Variants in CPT1A observed in about 807,000 individuals in gnomAD.
CPT1A encodes the protein carnitine palmitoyltransferase 1A, also known as carnitine O-palmitoyltransferase 1, liver isoform.
A neutral mutation model predicts 100.8 loss-of-function variants in CPT1A; 64 were observed. The ratio of observed to expected loss-of-function variants is 0.63; its 90% CI spans 0.52 to 0.78. The LOEUF is 0.78. Ranked by LOEUF, CPT1A falls within the 30% of genes least tolerant of loss-of-function variation. The pLI, the probability that CPT1A is intolerant of heterozygous loss-of-function variation, is 0.00. For missense variants in CPT1A, 802 were observed against 1,034.1 expected (o/e 0.78, Z 3.08); for synonymous variants, 363 against 396.0 (o/e 0.92, Z 0.99).
intron 14 of CPT1A, 132 bp from the exon 15 acceptor site, chr11:68,762,893 G>C (rs899037810): frequency 8.6e-7 from 1 of 1,163,702 alleles, no homozygotes; most frequent in Non-Finnish European, 1.2e-6. Flanking sequence ...GGGTCTTGCT[G>C]TTGCCCAGGC....
intron 15 of CPT1A, among the ~76,000 whole-genome samples, chr11:68,762,262 TC>T (rs1414102454): frequency 6.6e-6 from 1 of 152,162 alleles, no homozygotes; most frequent in African/African-American, 2.4e-5. Context: ...CAATGGAAGG[TC>T]CCGTGCGACA....
At chr11:68,810,394 C>G (rs1006386617) in intron 3 of CPT1A, among the ~76,000 whole-genome samples, 1 of 152,152 alleles carries the variant, frequency 6.6e-6, no homozygotes, top group Non-Finnish European at 1.5e-5. Flanking sequence ...AGACAAGGAA[C>G]CTGGCAGGCG....
At chr11:68,835,027 T>C (rs1176894407) in intron 1 of CPT1A, among the ~76,000 whole-genome samples, 1 of 151,492 alleles carries the variant, frequency 6.6e-6, no homozygotes, top group East Asian at 1.9e-4. Context: ...CCAATTCAAA[T>C]TTAGACCTTA....
At chr11:68,805,738 T>G (rs1856026060) in intron 4 of CPT1A, among the ~76,000 whole-genome samples, 1 of 152,244 alleles carries the variant, frequency 6.6e-6, no homozygotes, top group Non-Finnish European at 1.5e-5. Flanking sequence ...GTTTCCATGA[T>G]GACCTGGTCC....
At chr11:68,838,325 T>G (rs1297266909) in intron 1 of CPT1A, among the ~76,000 whole-genome samples, 1 of 152,054 alleles carries the variant, frequency 6.6e-6, no homozygotes. Context: ...ATAGGGTAGC[T>G]GGCCTCAGCC....
intron 10 of CPT1A, among the ~76,000 whole-genome samples, chr11:68,782,563 C>T (rs566709586): frequency 2.6e-5 from 4 of 152,294 alleles, no homozygotes; most frequent in South Asian, 2.1e-4. Flanking sequence ...AGGAGGTCTC[C>T]GTGCCCGTCT....
intron 1 of CPT1A, among the ~76,000 whole-genome samples, chr11:68,818,029 C>T (rs1021103187): frequency 2.0e-5 from 3 of 152,060 alleles, no homozygotes; most frequent in Admixed American, 6.6e-5. Context: ...GAAAGGGGAA[C>T]CTGCCACTGT....
chr11:68,781,149 C>T (rs1855301404), intron 11 of CPT1A, among the ~76,000 whole-genome samples: 1 of 152,138 alleles, frequency 6.6e-6, no homozygotes, highest in Admixed American at 6.5e-5. Context: ...ATGCCAACAC[C>T]CTGGCCTAAC....
chr11:68,843,228 T>C (rs1857193727), upstream of CPT1A, among the ~76,000 whole-genome samples: 1 of 152,118 alleles, frequency 6.6e-6, no homozygotes, highest in African/African-American at 2.4e-5. This position sits in a 1 kb window ranked among gnomAD's most constrained non-coding sequence, Gnocchi z 4.0. Context: ...TGTTTTCACT[T>C]GGCTTACGTC....
chr11:68,760,178 C>T (rs1465187004), intron 17 of CPT1A, 47 bp downstream of exon 17: 1 of 1,353,666 alleles, frequency 7.4e-7, no homozygotes, highest in Non-Finnish European at 1.0e-6. Context: ...CATTACCCAT[C>T]CCATCACCAC....
At position 68,821,174 on chromosome 11, in the gene CPT1A, C is replaced by T. The variant is rs539467394; in HGVS notation, c.-13-5687G>A. Among the ~76,000 whole-genome samples, 6 of 152,096 alleles carry T rather than the reference C, an allele frequency of 3.9e-5. No homozygotes were observed. In the South Asian group the frequency reaches 8.3e-4, roughly 21 times the overall value. ...TTATTTTATTTATTTATTTTTGAGACGGAGTTTTGCTCTTGTTGCCCAGGT... is the reference window on the plus strand; with the variant it reads ...TTATTTTATTTATTTATTTTTGAGATGGAGTTTTGCTCTTGTTGCCCAGGT... On this transcript the variant is annotated intron_variant, in intron 1 of 18. Transcript: ENST00000265641.
Position 68,776,126 on chromosome 11 carries a change from C to T in CPT1A, c.1459-694G>A, listed in dbSNP as rs143319875. Among the ~76,000 whole-genome samples, 176 of 152,304 alleles carry T rather than the reference C, an allele frequency of 1.2e-3. 2 individuals carry two copies. In the East Asian group the frequency reaches 0.033, roughly 28 times the overall value. ...CTGAGTGAAAAGAAGCAGGCAGGCG[C>T]GGTGCCTCACTTCAGTAATCCCAGC... On this transcript the variant is annotated intron_variant, in intron 12 of 18. Transcript: ENST00000265641.
intron 1 of CPT1A, among the ~76,000 whole-genome samples, chr11:68,815,985 C>A (rs1309210534): frequency 1.3e-5 from 2 of 151,978 alleles, no homozygotes; most frequent in African/African-American, 4.8e-5. Flanking sequence ...AGCATCCAGG[C>A]CCGTGGTACC....
chr11:68,780,590 G>T, intron 12 of CPT1A, 50 bp downstream of exon 12: 1 of 1,545,376 alleles, frequency 6.5e-7, no homozygotes. Flanking sequence ...GGCCAGGTTT[G>T]GATTTTCAAA....
intron 8 of CPT1A, among the ~76,000 whole-genome samples, 160 bp downstream of exon 8, chr11:68,794,644 C>T (rs1855707895): frequency 6.6e-6 from 1 of 152,234 alleles, no homozygotes; most frequent in Non-Finnish European, 1.5e-5. Context: ...CTGCTAACCT[C>T]AGATGATCCG....
intron 1 of CPT1A, among the ~76,000 whole-genome samples, chr11:68,822,710 A>G (rs1856617137): frequency 6.6e-6 from 1 of 152,186 alleles, no homozygotes; most frequent in Non-Finnish European, 1.5e-5. Flanking sequence ...GAATGGATAA[A>G]TATAATGTGG....
chr11:68,779,544 C>T (rs1855241406), intron 12 of CPT1A, among the ~76,000 whole-genome samples: 1 of 145,622 alleles, frequency 6.9e-6, no homozygotes, highest in Admixed American at 6.9e-5. Flanking sequence ...ATCTGTAATC[C>T]CAGCACTTTG....
intron 18 of CPT1A, among the ~76,000 whole-genome samples, 166 bp from the exon 19 acceptor site, chr11:68,757,896 T>C (rs1946722589): frequency 2.0e-5 from 3 of 152,140 alleles, no homozygotes; most frequent in African/African-American, 7.2e-5. Context: ...TCCAGAGAAA[T>C]GCTGAGGGTA....
chr11:68,764,739 G>A (rs1334963044), intron 14 of CPT1A, among the ~76,000 whole-genome samples: 1 of 152,240 alleles, frequency 6.6e-6, no homozygotes, highest in Non-Finnish European at 1.5e-5. Flanking sequence ...AAGGCAGAAG[G>A]AAGCGTCCAG....
Sources: allele counts gnomAD v4.1 joint callset (sites outside exome capture counted in the v4.1 genomes callset), GRCh38; gene constraint gnomAD v4.1.1; non-coding constraint Gnocchi (gnomAD v3.1); transcripts MANE v1.5; gene names NCBI Gene and HGNC (gene_info 2026-07-23, HGNC 2026-07-21).